The following NDFIP1 variants were observed in gnomAD, a reference collection of about 807,000 sequenced individuals.
NDFIP1 encodes NEDD4 family-interacting protein 1.
Under a neutral mutation model 28.8 loss-of-function variants are expected in NDFIP1, and 7 were observed. The ratio of observed to expected loss-of-function variants is 0.24; its 90% CI spans 0.14 to 0.46. NDFIP1 has a LOEUF of 0.46. Ranked by LOEUF, NDFIP1 falls within the 20% of genes least tolerant of loss-of-function variation. NDFIP1 has a pLI of 0.99. For synonymous variants in NDFIP1, 92 were observed against 101.0 expected, an observed-to-expected ratio of 0.91 and a Z score of 0.53; for missense variants, 194 against 269.1, an observed-to-expected ratio of 0.72 and a Z score of 1.95.
intron 5 of NDFIP1, among the ~76,000 whole-genome samples, chr5:142,139,375 A>AAGG (rs10699671): frequency 0.67 from 102,173 of 151,544 alleles, 34,763 homozygotes; most frequent in African/African-American, 0.78. Context: ...AGTCCCTGAC[A>AAGG]AGGTTAGTTA....
At chr5:142,129,179 C>T (rs925682956) in intron 1 of NDFIP1, among the ~76,000 whole-genome samples, 2 of 152,174 alleles carry the variant, frequency 1.3e-5, no homozygotes, top group Non-Finnish European at 2.9e-5. Context: ...CTGTATTTGC[C>T]TTTGTTCTTG....
At chr5:142,113,234 G>T (rs1757033881) in intron 1 of NDFIP1, among the ~76,000 whole-genome samples, 1 of 152,154 alleles carries the variant, frequency 6.6e-6, no homozygotes, top group African/African-American at 2.4e-5. Flanking sequence ...TTTTGGAATG[G>T]TATACTTTTG....
chr5:142,109,001 G>A lies in NDFIP1; in HGVS notation c.27G>A (p.Ala9=), dbSNP rs1756982622. The change falls in exon 1 of 8, where the codon GCG becomes GCA. Residue 9 remains alanine (A), a synonymous_variant. Coordinates refer to ENST00000253814, the MANE Select transcript of NDFIP1 (RefSeq NM_030571.4). MALALAAL[A]AVEPACGSRY... is the part of the protein sequence containing the mutation. ...TGGCGTTGGCGTTGGCGGCGCTGGC[G>A]GCGGTCGAGCCGGCCTGCGGCAGCC... 2.1e-6 allele frequency: 3 copies of A among 1,443,696 alleles called. No homozygotes were observed. Among genetic ancestry groups the A allele is most frequent in the African/African-American group, 1.5e-5 (1 of 67,658 alleles). The allele number at this position is 1,443,696 out of a possible 1,614,324, so 89.4% of individuals were successfully genotyped here.
intron 1 of NDFIP1, among the ~76,000 whole-genome samples, chr5:142,120,145 G>A (rs747947290): frequency 6.6e-6 from 1 of 152,000 alleles, no homozygotes; most frequent in Non-Finnish European, 1.5e-5. Context: ...TAGTAGAGAC[G>A]GGGTTTCACT....
In NDFIP1 at chr5:142,131,871, A is replaced by G. The variant is rs781355716; in HGVS notation, c.127A>G (p.Ser43Gly). Residue 43 changes from serine to glycine, a missense_variant, in exon 2 of 8, where the codon AGC becomes GGC. Coordinates refer to ENST00000253814, the MANE Select transcript of NDFIP1 (RefSeq NM_030571.4). ...TGCAGGTGATGCTCCTCCACCTTACAGCAGCATTTCTGCAGAGAGCGCAGG... is the reference window on the plus strand; with the variant it reads ...TGCAGGTGATGCTCCTCCACCTTACGGCAGCATTTCTGCAGAGAGCGCAGG... Reference protein sequence around the residue: ...QAAGDAPPPYSSISAESAAYF... With the variant: ...QAAGDAPPPYGSISAESAAYF... The G allele has an allele frequency of 6.2e-7, 1 of 1,602,284 alleles. No individual in the cohort carries two copies. The highest frequency in any genetic ancestry group is 1.1e-5 in the South Asian group (1 of 88,354).
chr5:142,148,750 CAAAAAAAAAAAA>C (rs60681858), intron 7 of NDFIP1, among the ~76,000 whole-genome samples: 1 of 22,228 alleles, frequency 4.5e-5, no homozygotes, highest in East Asian at 2.8e-3. Context: ...GACTCTGTCT[CAAAAAAAAAAAA>C]AAAAAAAAAA....
Position 142,117,194 on chromosome 5 carries a change from T to C in NDFIP1, c.63+8157T>C, listed in dbSNP as rs370303726. ...ACTGGACAATTTATGAATAGAGATA[T>C]AAGGGTTTAGGGAGTGGTGCCTGTT... On this transcript the variant is annotated intron_variant, in intron 1 of 7. Coordinates refer to ENST00000253814, the MANE Select transcript of NDFIP1 (RefSeq NM_030571.4). Among the ~76,000 whole-genome samples, 5 of 152,050 alleles carry C rather than the reference T, an allele frequency of 3.3e-5. No homozygotes were observed. In the East Asian group the frequency reaches 7.7e-4, roughly 23 times the overall value.
intron 1 of NDFIP1, among the ~76,000 whole-genome samples, chr5:142,126,650 C>T (rs2126915342): frequency 6.6e-6 from 1 of 152,040 alleles, no homozygotes; most frequent in South Asian, 2.1e-4. Context: ...TATAGATAAT[C>T]CAAGAATGAC....
chr5:142,121,767 T>C (rs536514116), intron 1 of NDFIP1, among the ~76,000 whole-genome samples: 1 of 152,366 alleles, frequency 6.6e-6, no homozygotes, highest in East Asian at 1.9e-4. Flanking sequence ...ATTTGGAGAT[T>C]TGTAAAGTAA....
chr5:142,141,196 T>TA (rs1561603979), intron 6 of NDFIP1, among the ~76,000 whole-genome samples: 2 of 99,524 alleles, frequency 2.0e-5, no homozygotes, highest in East Asian at 2.5e-4. Flanking sequence ...TTTTTTTTTT[T>TA]ACAGAGTCTT....
intron 1 of NDFIP1, among the ~76,000 whole-genome samples, chr5:142,117,021 A>G (rs1757075491): frequency 6.6e-6 from 1 of 151,452 alleles, no homozygotes; most frequent in Admixed American, 6.6e-5. Context: ...CATATGTATA[A>G]TATATTTCTT....
chr5:142,116,543 A>AT (rs1293766478), intron 1 of NDFIP1, among the ~76,000 whole-genome samples: 4 of 151,808 alleles, frequency 2.6e-5, no homozygotes, highest in African/African-American at 9.7e-5. Flanking sequence ...TAATTTTTGT[A>AT]TTTTTAGTAG....
chr5:142,133,639 A>T (rs6863411), intron 3 of NDFIP1, among the ~76,000 whole-genome samples: 102,232 of 152,092 alleles, frequency 0.67, 34,675 homozygotes, highest in African/African-American at 0.77. Flanking sequence ...CTGATTAATC[A>T]CATAACTCTT....
At position 142,154,426 on chromosome 5, in the gene NDFIP1, C is replaced by T. The variant is rs919975244; in HGVS notation, c.*2698C>T. The T allele has an allele frequency of 1.1e-4, 17 of 151,666 alleles. No homozygotes were observed. The highest frequency in any genetic ancestry group is 4.1e-4 in the African/African-American group (17 of 41,184). The allele number at this position is 151,666 out of a possible 1,614,324, so 9.4% of individuals were successfully genotyped here. A position where few individuals can be genotyped will look rare whatever the true frequency, so the allele number is the denominator to read the frequency against. ...AAATAAAAGGCATTATTAAAATTTGCTTGTTAAAAAATGATAAGAATGAAT... is the reference window on the plus strand; with the variant it reads ...AAATAAAAGGCATTATTAAAATTTGTTTGTTAAAAAATGATAAGAATGAAT... On this transcript the variant is annotated 3_prime_UTR_variant, in exon 8 of 8. Transcript: ENST00000253814.
intron 1 of NDFIP1, among the ~76,000 whole-genome samples, chr5:142,112,854 C>CTTTTTT (rs1757029316): frequency 6.6e-6 from 1 of 150,616 alleles, no homozygotes. Flanking sequence ...TCATTTTTGC[C>CTTTTTT]TTTTGAAACT....
Position 142,108,903 on chromosome 5 carries a change from C to T in NDFIP1, c.-72C>T. On this transcript the variant is annotated 5_prime_UTR_variant, in exon 1 of 8. Coordinates refer to ENST00000253814, the MANE Select transcript of NDFIP1 (RefSeq NM_030571.4). ...GCGTCCCCCTCGGCCTCCCAGCGCT[C>T]CCAAGCCGCAGCGGCCGCGCCCCTT... The T allele has an allele frequency of 3.8e-6, 5 of 1,317,874 alleles. No homozygotes were observed. Among genetic ancestry groups the T allele is most frequent in the Non-Finnish European group, 4.9e-6 (5 of 1,025,024 alleles). The allele number at this position is 1,317,874 out of a possible 1,614,324, so 81.6% of individuals were successfully genotyped here.
intron 6 of NDFIP1, chr5:142,142,943 ATATATATAT>A (rs1757351562): frequency 2.2e-5 from 1 of 44,974 alleles, no homozygotes; most frequent in Non-Finnish European, 5.3e-5. Context: ...AAAAAAAAAT[ATATATATAT>A]ATATATATAT....
At chr5:142,120,070 C>G (rs1377386310) in intron 1 of NDFIP1, among the ~76,000 whole-genome samples, 1 of 152,222 alleles carries the variant, frequency 6.6e-6, no homozygotes, top group Non-Finnish European at 1.5e-5. Flanking sequence ...ATTCTCCTGC[C>G]TCAGCCTCCC....
intron 5 of NDFIP1, 38 bp downstream of exon 5, chr5:142,137,896 G>A (rs1216759021): frequency 6.4e-7 from 1 of 1,557,784 alleles, no homozygotes; most frequent in Non-Finnish European, 8.7e-7. Flanking sequence ...TCTACAGAGA[G>A]GCAATAATCA....
Sources: gnomAD v4.1 joint callset for allele counts (sites outside exome capture counted in the v4.1 genomes callset) on GRCh38, gnomAD v4.1.1 for gene constraint, MANE v1.5 for transcripts, NCBI Gene and HGNC (gene_info 2026-07-23, HGNC 2026-07-21) for gene names.